SAMD5: variants seen among roughly 807,000 people sequenced by gnomAD.
The protein encoded by SAMD5 is sterile alpha motif domain-containing protein 5.
In SAMD5, 13 loss-of-function variants were observed where a neutral mutation model predicts 11.3. The ratio of observed to expected loss-of-function variants is 1.15; its 90% CI spans 0.75 to 1.83. The LOEUF is 1.83. Among genes scored for constraint, SAMD5 ranks in the 40% most tolerant of loss-of-function variants. SAMD5 has a pLI of 0.00. For synonymous variants in SAMD5, 129 were observed against 111.3 expected (o/e 1.16, Z -1.00); for missense variants, 255 against 239.1 (o/e 1.07, Z -0.44).
chr6:147,953,096 A>G, the SAMD5 span, among the ~76,000 whole-genome samples: 53,340 of 151,956 alleles, frequency 0.35, 9,965 homozygotes, highest in Middle Eastern at 0.53. Context: ...AGTTGATGTC[A>G]GTAATACTAA....
chr6:147,878,141 A>G, the SAMD5 span, among the ~76,000 whole-genome samples: 2 of 152,018 alleles, frequency 1.3e-5, no homozygotes, highest in South Asian at 2.1e-4. Flanking sequence ...CAACAATACC[A>G]TAGTCTGGGT....
At chr6:147,909,614 T>TTCTCTCTCTCTCTCTC in the SAMD5 span, among the ~76,000 whole-genome samples, 8 of 77,300 alleles carry the variant, frequency 1.0e-4, no homozygotes, top group South Asian at 4.9e-4. Context: ...CTTTCTTTCT[T>TTCTCTCTCTCTCTCTC]TCTTTCTTTC....
At chr6:147,887,781 A>G in the SAMD5 span, among the ~76,000 whole-genome samples, 1 of 152,238 alleles carries the variant, frequency 6.6e-6, no homozygotes, top group Non-Finnish European at 1.5e-5. Flanking sequence ...ACCATTTTAC[A>G]TCTCACAAAA....
At chr6:147,818,148 C>T in the SAMD5 span, among the ~76,000 whole-genome samples, 19 of 151,852 alleles carry the variant, frequency 1.3e-4, no homozygotes, top group South Asian at 6.2e-4. Flanking sequence ...TTCAATGGAA[C>T]GAACTAAACC....
the SAMD5 span, among the ~76,000 whole-genome samples, chr6:147,857,175 A>G: frequency 6.6e-6 from 1 of 151,704 alleles, no homozygotes; most frequent in African/African-American, 2.4e-5. Context: ...CCTGCCACTC[A>G]GGCTCATTTC....
the SAMD5 span, among the ~76,000 whole-genome samples, chr6:147,809,154 G>C: frequency 4.6e-5 from 7 of 152,058 alleles, no homozygotes; most frequent in Admixed American, 6.5e-5. Flanking sequence ...TTTGTCAAAA[G>C]GAGGCTCTTT....
chr6:147,875,747 G>A, the SAMD5 span, among the ~76,000 whole-genome samples: 1 of 152,128 alleles, frequency 6.6e-6, no homozygotes, highest in Non-Finnish European at 1.5e-5. Flanking sequence ...CTGCGCAGGA[G>A]AGGGATCTAG....
At chr6:147,768,229 G>A in the SAMD5 span, among the ~76,000 whole-genome samples, 1 of 152,184 alleles carries the variant, frequency 6.6e-6, no homozygotes, top group Admixed American at 6.5e-5. Context: ...TGGGTGTGGT[G>A]GCTTACACCT....
intron 1 of SAMD5, among the ~76,000 whole-genome samples, chr6:147,536,531 G>GTT (rs368585131): frequency 6.7e-6 from 1 of 149,364 alleles, no homozygotes; most frequent in African/African-American, 2.5e-5. Context: ...AGTCCAAGAA[G>GTT]TTTTTTTTTT....
chr6:147,616,480 A>G (rs1429160117), intron 1 of SAMD5, among the ~76,000 whole-genome samples: 1 of 151,984 alleles, frequency 6.6e-6, no homozygotes, highest in Non-Finnish European at 1.5e-5. Flanking sequence ...GACTGCATTC[A>G]TACTGTTGCT....
the SAMD5 span, among the ~76,000 whole-genome samples, chr6:147,819,577 A>T: frequency 6.6e-6 from 1 of 152,246 alleles, no homozygotes; most frequent in Non-Finnish European, 1.5e-5. Flanking sequence ...AGAGTTTGCA[A>T]ATTCCCAAGT....
At chr6:147,719,144 A>C (rs985994526) in intron 1 of SAMD5, among the ~76,000 whole-genome samples, 1 of 152,222 alleles carries the variant, frequency 6.6e-6, no homozygotes, top group Non-Finnish European at 1.5e-5. Flanking sequence ...CTGTGATGTC[A>C]AAGGGATGCT....
the SAMD5 span, among the ~76,000 whole-genome samples, chr6:147,877,911 C>CTAGA: frequency 4.8e-5 from 5 of 103,944 alleles, no homozygotes; most frequent in African/African-American, 2.1e-4. Context: ...AGATAGATAG[C>CTAGA]TAGCTAGCTA....
At chr6:147,634,422 A>T (rs999586880) in intron 1 of SAMD5, among the ~76,000 whole-genome samples, 6 of 152,194 alleles carry the variant, frequency 3.9e-5, no homozygotes, top group Non-Finnish European at 7.3e-5. Flanking sequence ...ATCTGACCCC[A>T]TGATCCAATT....
At chr6:147,721,355 C>A (rs1333838980) in intron 1 of SAMD5, among the ~76,000 whole-genome samples, 9 of 151,638 alleles carry the variant, frequency 5.9e-5, no homozygotes, top group African/African-American at 2.2e-4. Context: ...TCCTCTCCAG[C>A]ACCTGTTGTT....
chr6:147,896,755 A>AACAAAAAAAAAAAAAAC, the SAMD5 span, among the ~76,000 whole-genome samples: 2 of 142,418 alleles, frequency 1.4e-5, no homozygotes, highest in African/African-American at 5.5e-5. Context: ...AAAAAAAAAA[A>AACAAAAAAAAAAAAAAC]AAAAAAAACG....
At chr6:147,633,290 G>C (rs1217677419) in intron 1 of SAMD5, among the ~76,000 whole-genome samples, 4 of 152,152 alleles carry the variant, frequency 2.6e-5, no homozygotes, top group Non-Finnish European at 5.9e-5. Context: ...CACGTGCTTT[G>C]AAAAGATGAA....
intron 1 of SAMD5, among the ~76,000 whole-genome samples, chr6:147,722,289 T>C (rs9485218): frequency 0.022 from 3,357 of 152,154 alleles, 139 homozygotes; most frequent in African/African-American, 0.078. Context: ...GTTTTTTTTT[T>C]CCCAAAGAAT....
At chr6:147,551,250 C>T (rs1788767825) in intron 1 of SAMD5, among the ~76,000 whole-genome samples, 2 of 152,124 alleles carry the variant, frequency 1.3e-5, no homozygotes, top group African/African-American at 4.8e-5. Context: ...AGTCTATTCC[C>T]TAAAAATCAT....
Sources: allele counts gnomAD v4.1 joint callset (sites outside exome capture counted in the v4.1 genomes callset), GRCh38; gene constraint gnomAD v4.1.1; transcripts MANE v1.5; gene names NCBI Gene and HGNC (gene_info 2026-07-23, HGNC 2026-07-21).